Variants in JAK1 observed in about 807,000 individuals in gnomAD.
JAK1 encodes the protein Janus kinase 1, also known as tyrosine-protein kinase JAK1.
A neutral mutation model predicts 136.6 loss-of-function variants in JAK1; 16 were observed. That is an observed-to-expected ratio of 0.12 (90% CI 0.08 to 0.18). The LOEUF is 0.18. Among genes scored for constraint, JAK1 ranks in the 10% least tolerant of loss-of-function variants. The probability of loss-of-function intolerance (pLI) is 1.00; values close to 1 mark genes in which losing one functional copy is unlikely to be tolerated. For synonymous variants in JAK1, 492 were observed against 519.5 expected, an observed-to-expected ratio of 0.95 and a Z score of 0.72; for missense variants, 859 against 1,450.1, an observed-to-expected ratio of 0.59 and a Z score of 6.62.
chr1:64,946,524 ATACT>A (rs1645990088), intron 1 of JAK1, among the ~76,000 whole-genome samples: 1 of 152,234 alleles, frequency 6.6e-6, no homozygotes, highest in African/African-American at 2.4e-5. Flanking sequence ...ACCCACAATC[ATACT>A]TACTTCCACA....
intron 1 of JAK1, among the ~76,000 whole-genome samples, chr1:64,901,659 G>A (rs768467717): frequency 6.6e-6 from 1 of 152,100 alleles, no homozygotes; most frequent in Non-Finnish European, 1.5e-5. Context: ...GCCCTATAAT[G>A]ACATTTAAAT....
chr1:64,842,660 T>C (rs1261145254), intron 17 of JAK1, among the ~76,000 whole-genome samples: 1 of 152,214 alleles, frequency 6.6e-6, no homozygotes, highest in East Asian at 1.9e-4. Flanking sequence ...TACACCACCC[T>C]GTATGCTGTT....
intron 1 of JAK1, among the ~76,000 whole-genome samples, chr1:64,922,020 C>T (rs141591525): frequency 4.9e-4 from 74 of 151,930 alleles, no homozygotes; most frequent in Admixed American, 1.6e-3. Context: ...AATCTTCTCC[C>T]GACAGATGGA....
At position 64,873,427 on chromosome 1, in the gene JAK1, C is replaced by A. The variant is rs747560156; in HGVS notation, c.426G>T (p.Lys142Asn). The A allele has an allele frequency of 2.3e-5, 37 of 1,613,904 alleles. No homozygotes were observed. In the South Asian group the frequency reaches 4.1e-4, roughly 18 times the overall value. Residue 142 changes from lysine (K) to asparagine (N), a missense_variant, in exon 5 of 25, where the codon AAG (lysine) becomes AAT (asparagine). Physicochemically the swap from Lys to Asn is moderately conservative, Grantham distance 94. Coordinates refer to ENST00000342505, the MANE Select transcript of JAK1 (RefSeq NM_002227.4). ...CAAGGAGAGGGGTTGCATCTGGAAT[C>A]TTTTTTTTCTCGTAGCCATTTTTCT... ...KKQKNGYEKK[K>N]IPDATPLLDA...
chr1:64,868,848 T>G (rs944660709), intron 6 of JAK1, among the ~76,000 whole-genome samples: 2 of 152,262 alleles, frequency 1.3e-5, no homozygotes, highest in Non-Finnish European at 2.9e-5. Flanking sequence ...AGATATTTAA[T>G]AGTAGTTGAT....
At chr1:64,866,290 C>A (rs995189419) in intron 7 of JAK1, among the ~76,000 whole-genome samples, 5 of 152,248 alleles carry the variant, frequency 3.3e-5, no homozygotes, top group African/African-American at 1.2e-4. Flanking sequence ...GGATCTGAAC[C>A]CCGTCGACGT....
chr1:64,926,887 T>C (rs567817345), intron 1 of JAK1, among the ~76,000 whole-genome samples: 1 of 152,350 alleles, frequency 6.6e-6, no homozygotes, highest in African/African-American at 2.4e-5. Flanking sequence ...CCGTAGTATT[T>C]TGGTCAGCAT....
At chr1:64,994,573 C>T (rs1174610789) in intron 2 of JAK1, among the ~76,000 whole-genome samples, 1 of 152,110 alleles carries the variant, frequency 6.6e-6, no homozygotes, top group Admixed American at 6.6e-5. Context: ...CTTTTACAGT[C>T]AGTATTAATC....
intron 9 of JAK1, chr1:64,859,810 C>G (rs770438264): frequency 1.4e-5 from 3 of 209,442 alleles, no homozygotes; most frequent in Non-Finnish European, 2.9e-5. Flanking sequence ...TTGTTTGACA[C>G]AGCAAGAAAT....
At chr1:64,893,197 G>A (rs1484754803) in intron 1 of JAK1, among the ~76,000 whole-genome samples, 1 of 152,142 alleles carries the variant, frequency 6.6e-6, no homozygotes, top group Admixed American at 6.6e-5. Context: ...CAATTGTGCA[G>A]GAAAGAGTAT....
At chr1:64,841,935 CTGAA>C (rs1296240130) in intron 17 of JAK1, among the ~76,000 whole-genome samples, 5 of 152,208 alleles carry the variant, frequency 3.3e-5, no homozygotes, top group African/African-American at 1.2e-4. Flanking sequence ...ACTTCAATGA[CTGAA>C]TGACTCAGAA....
rs114459307 is a variant in JAK1, at chr1:65,030,972, G to A, written c.-78+13508C>T. On this transcript the variant is annotated intron_variant, in intron 2 of 25. Transcript: ENST00000671954. ...AGTTTAAGACCCCCCTAGACAACAC[G>A]GCAACACCCCATCTCTACAAAAAAT... 8.4e-3 allele frequency among the ~76,000 whole-genome samples: 1,282 copies of A among 152,016 alleles called. 16 individuals carry two copies. Among genetic ancestry groups the A allele is most frequent in the African/African-American group, 0.029 (1,191 of 41,470 alleles).
intron 1 of JAK1, among the ~76,000 whole-genome samples, chr1:64,962,779 T>G (rs1037231378): frequency 1.3e-5 from 2 of 152,048 alleles, no homozygotes; most frequent in African/African-American, 4.8e-5. Flanking sequence ...ATAAAAACAA[T>G]GAACCAGGCC....
intron 1 of JAK1, among the ~76,000 whole-genome samples, chr1:64,920,815 T>C (rs1045222450): frequency 2.6e-5 from 4 of 151,918 alleles, no homozygotes; most frequent in Admixed American, 6.6e-5. Context: ...GTTATAGGAG[T>C]CCATATATTC....
rs904960892 is a variant in JAK1 at position 64,833,512 on chromosome 1, C to G, written c.*1050G>C. ...TAAACATTTTTGATTACCCAGCTAC[C>G]TCCAAGCAAACTGAAAACTGTCTAG... On this transcript the variant is annotated 3_prime_UTR_variant, in exon 25 of 25. Coordinates refer to ENST00000342505, the MANE Select transcript of JAK1 (RefSeq NM_002227.4). 8.6e-6 allele frequency: 2 copies of G among 232,936 alleles called. No individual in the cohort carries two copies. The highest frequency in any genetic ancestry group is 4.4e-5 in the African/African-American group (2 of 45,324). The allele number at this position is 232,936 out of a possible 1,614,324, so 14.4% of individuals were successfully genotyped here.
At chr1:64,985,466 T>G in intron 2 of JAK1, 1 of 1,605,270 alleles carries the variant, frequency 6.2e-7, no homozygotes, top group Non-Finnish European at 8.5e-7. Context: ...TGAGCAAGAA[T>G]CTGGGACTTT....
intron 5 of JAK1, among the ~76,000 whole-genome samples, chr1:64,870,134 A>G (rs1355704696): frequency 2.0e-5 from 3 of 152,314 alleles, no homozygotes; most frequent in Admixed American, 6.5e-5. Context: ...AGTGAAAACG[A>G]TAATTCCAGT....
In JAK1 at chr1:64,901,972, C is replaced by T. The variant is rs372385342; in HGVS notation, c.-77-15631G>A. ...ATTCTTTTTGTGACCAAATAATACT[C>T]TATTGTATAGGGCATTTACGTTTTT... On this transcript the variant is annotated intron_variant, in intron 1 of 24. Coordinates refer to ENST00000342505, the MANE Select transcript of JAK1 (RefSeq NM_002227.4). Among the ~76,000 whole-genome samples, 18 of 152,254 alleles carry T rather than the reference C, an allele frequency of 1.2e-4. 1 individual carries two copies. Among genetic ancestry groups the T allele is most frequent in the Admixed American group, 3.9e-4 (6 of 15,290 alleles).
At chr1:64,836,603 T>C (rs1034195074) in intron 22 of JAK1, among the ~76,000 whole-genome samples, 8 of 152,158 alleles carry the variant, frequency 5.3e-5, no homozygotes, top group Non-Finnish European at 1.5e-5. Flanking sequence ...TCCAATCCTC[T>C]TCCAGCATTG....
Sources: allele counts gnomAD v4.1 joint callset (sites outside exome capture counted in the v4.1 genomes callset), GRCh38; gene constraint gnomAD v4.1.1; transcripts MANE v1.5; gene names NCBI Gene and HGNC (gene_info 2026-07-23, HGNC 2026-07-21).